OPCML: variants seen among roughly 807,000 people sequenced by gnomAD.
The protein encoded by OPCML is opioid binding protein/cell adhesion molecule like, also known as opioid-binding protein/cell adhesion molecule.
Under a neutral mutation model 37.8 loss-of-function variants are expected in OPCML, and 13 were observed. That is an observed-to-expected ratio of 0.34 (90% CI 0.22 to 0.55). The LOEUF (loss-of-function observed/expected upper bound fraction) is 0.55. Among genes scored for constraint, OPCML ranks in the 20% least tolerant of loss-of-function variants. The probability of loss-of-function intolerance (pLI) is 0.91; values close to 1 mark genes in which losing one functional copy is unlikely to be tolerated. For missense variants in OPCML, 341 were observed against 435.6 expected, an observed-to-expected ratio of 0.78 and a Z score of 1.93; for synonymous variants, 176 against 168.8, an observed-to-expected ratio of 1.04 and a Z score of -0.33.
chr11:133,163,389 A>C (rs1411785603), intron 1 of OPCML, among the ~76,000 whole-genome samples: 2 of 152,248 alleles, frequency 1.3e-5, no homozygotes, highest in Non-Finnish European at 2.9e-5. Context: ...CATACCAGGA[A>C]AATATGAGGC....
chr11:133,419,834 G>T (rs1945847792), intron 1 of OPCML, among the ~76,000 whole-genome samples: 1 of 152,158 alleles, frequency 6.6e-6, no homozygotes, highest in Non-Finnish European at 1.5e-5. Flanking sequence ...AGGAAATATT[G>T]TTTGACTATT....
intron 4 of OPCML, among the ~76,000 whole-genome samples, chr11:132,439,880 A>G (rs1250105691): frequency 2.0e-5 from 3 of 152,220 alleles, no homozygotes; most frequent in Non-Finnish European, 4.4e-5. Flanking sequence ...AGTCTCAGGC[A>G]GGGTCAACGT....
intron 2 of OPCML, among the ~76,000 whole-genome samples, chr11:132,715,638 G>A (rs931849283): frequency 6.6e-6 from 1 of 152,210 alleles, no homozygotes; most frequent in African/African-American, 2.4e-5. Flanking sequence ...TCTGCCATGT[G>A]AGGTTACAAT....
chr11:133,314,015 C>T (rs1427022887), intron 1 of OPCML, among the ~76,000 whole-genome samples: 2 of 151,758 alleles, frequency 1.3e-5, no homozygotes, highest in Admixed American at 1.3e-4. Flanking sequence ...GCGGGCGGAT[C>T]ACGAGGTCAG....
At chr11:133,517,531 A>C (rs1948305792) in intron 1 of OPCML, among the ~76,000 whole-genome samples, 1 of 152,250 alleles carries the variant, frequency 6.6e-6, no homozygotes, top group Non-Finnish European at 1.5e-5. Context: ...CAACTCCCCC[A>C]TACTTACCGC....
At chr11:132,964,019 T>C (rs892450021) in intron 1 of OPCML, among the ~76,000 whole-genome samples, 28 of 152,188 alleles carry the variant, frequency 1.8e-4, no homozygotes, top group Admixed American at 1.4e-3. Flanking sequence ...CAAGCAGCCA[T>C]TGTGTGCAGG....
intron 4 of OPCML, among the ~76,000 whole-genome samples, chr11:132,456,409 G>T (rs1167550380): frequency 1.3e-5 from 2 of 152,170 alleles, no homozygotes; most frequent in Non-Finnish European, 2.9e-5. Context: ...TTTAAATTTA[G>T]TTTTAGTTAA....
At chr11:133,088,455 ACACT>A (rs1667801511) in intron 1 of OPCML, among the ~76,000 whole-genome samples, 1 of 152,346 alleles carries the variant, frequency 6.6e-6, no homozygotes, top group African/African-American at 2.4e-5. Flanking sequence ...CAGCAAGCTC[ACACT>A]CAGTGACAGT....
chr11:132,570,754 A>AAT (rs2096435263), intron 3 of OPCML, among the ~76,000 whole-genome samples: 2 of 52,552 alleles, frequency 3.8e-5, no homozygotes, highest in Non-Finnish European at 7.7e-5. Context: ...CAGGAAAGAG[A>AAT]GTATATATAT....
intron 2 of OPCML, among the ~76,000 whole-genome samples, chr11:132,883,906 T>C (rs1180147579): frequency 6.6e-6 from 1 of 152,182 alleles, no homozygotes; most frequent in African/African-American, 2.4e-5. Flanking sequence ...TAAGCTCTAT[T>C]CAATATGCCT....
chr11:133,117,206 C>A (rs1226178717), intron 1 of OPCML, among the ~76,000 whole-genome samples: 1 of 152,098 alleles, frequency 6.6e-6, no homozygotes, highest in Non-Finnish European at 1.5e-5. Context: ...GTTTTGTGAG[C>A]ACTTCTTTAT....
rs565929453 is a variant in OPCML, at chr11:133,342,267, G to A, written c.61+189997C>T. On this transcript the variant is annotated intron_variant, in intron 1 of 7. Coordinates refer to ENST00000524381, the MANE Select transcript of OPCML (RefSeq NM_001012393.5). ...CACTAGAAATAGCTGTGCTTTTGACGTAAAGCACACTAGCAAACAGGGCTA... is the reference window on the plus strand; with the variant it reads ...CACTAGAAATAGCTGTGCTTTTGACATAAAGCACACTAGCAAACAGGGCTA... Among the ~76,000 whole-genome samples, 11 of 152,242 alleles carry A rather than the reference G, an allele frequency of 7.2e-5. No individual in the cohort carries two copies. The East Asian group carries it at 1.2e-3, about 16-fold the overall frequency.
chr11:133,038,286 T>C (rs533229433), intron 1 of OPCML, among the ~76,000 whole-genome samples: 2 of 152,346 alleles, frequency 1.3e-5, no homozygotes, highest in East Asian at 3.9e-4. Flanking sequence ...CTGGGGCTGC[T>C]TATAGCTCGG....
At chr11:133,355,238 A>G (rs891961359) in intron 1 of OPCML, among the ~76,000 whole-genome samples, 2 of 152,174 alleles carry the variant, frequency 1.3e-5, no homozygotes, top group African/African-American at 4.8e-5. Context: ...GCCTCAGTCC[A>G]TTTTCTAATT....
chr11:132,446,796 C>T (rs563359036), intron 4 of OPCML, among the ~76,000 whole-genome samples: 48 of 151,934 alleles, frequency 3.2e-4, no homozygotes, highest in African/African-American at 1.1e-3. Context: ...TTTTAGAAAC[C>T]TGATCAATGC....
rs1937858077 is a variant in OPCML, at chr11:132,790,825, A to G, written c.147-133506T>C. On this transcript the variant is annotated intron_variant, in intron 2 of 7. Transcript: ENST00000524381. ...ACAAATGCCTTCCAATATTTTGGTT[A>G]TGGGAAAAGAGTAAGAACAATATCA... is the stretch of plus-strand genomic sequence containing the variant. Among the ~76,000 whole-genome samples, 3 of 152,336 alleles carry G rather than the reference A, an allele frequency of 2.0e-5. No individual in the cohort carries two copies. The South Asian group carries it at 6.2e-4, about 32-fold the overall frequency.
chr11:132,979,959 GC>G (rs920055072), intron 1 of OPCML, among the ~76,000 whole-genome samples: 1 of 152,220 alleles, frequency 6.6e-6, no homozygotes, highest in African/African-American at 2.4e-5. Flanking sequence ...TCATAAAGAG[GC>G]TGAGTAAGAT....
chr11:132,832,818 C>T (rs7116824), intron 2 of OPCML, among the ~76,000 whole-genome samples: 22,427 of 152,148 alleles, frequency 0.15, 1,893 homozygotes, highest in African/African-American at 0.22. Flanking sequence ...CAAGCCTGTA[C>T]GGCACGTAAC....
intron 3 of OPCML, among the ~76,000 whole-genome samples, chr11:132,632,392 C>T (rs1358246120): frequency 2.0e-5 from 3 of 152,004 alleles, no homozygotes; most frequent in Non-Finnish European, 4.4e-5. Flanking sequence ...ACCTTCACAA[C>T]TCTGTGACAC....
Sources: gnomAD v4.1 joint callset for allele counts (sites outside exome capture counted in the v4.1 genomes callset) on GRCh38, gnomAD v4.1.1 for gene constraint, MANE v1.5 for transcripts, NCBI Gene and HGNC (gene_info 2026-07-23, HGNC 2026-07-21) for gene names.